AREL1: variants seen among roughly 807,000 people sequenced by gnomAD.
The protein encoded by AREL1 is apoptosis resistant E3 ubiquitin protein ligase 1, also known as apoptosis-resistant E3 ubiquitin protein ligase 1.
AREL1 carries 62 observed loss-of-function variants against 99.0 expected under a neutral mutation model. The ratio of observed to expected loss-of-function variants is 0.63; its 90% CI spans 0.51 to 0.77. AREL1 has a LOEUF of 0.77. AREL1 is among the 30% of genes least tolerant of loss of function. The pLI, the probability that AREL1 is intolerant of heterozygous loss-of-function variation, is 0.00. For missense variants in AREL1, 879 were observed against 1,027.6 expected, an observed-to-expected ratio of 0.86 and a Z score of 1.98; for synonymous variants, 380 against 376.5, an observed-to-expected ratio of 1.01 and a Z score of -0.11.
chr14:74,692,585 C>A (rs2089904736), intron 1 of AREL1, among the ~76,000 whole-genome samples: 1 of 152,206 alleles, frequency 6.6e-6, no homozygotes, highest in African/African-American at 2.4e-5. Context: ...TGAGAAGTGC[C>A]AGAGCTTCCT....
At chr14:74,685,694 C>A in intron 2 of AREL1, 34 bp from the exon 3 acceptor site, 1 of 1,578,628 alleles carries the variant, frequency 6.3e-7, no homozygotes, top group East Asian at 2.3e-5. Flanking sequence ...TTTTTGTCTC[C>A]AACTCTGCCT....
At chr14:74,664,174 A>AC in intron 18 of AREL1, 100 bp from the exon 19 acceptor site, 5 of 1,361,782 alleles carry the variant, frequency 3.7e-6, no homozygotes, top group South Asian at 1.4e-5. Context: ...GCTGTGCCCC[A>AC]GTTACCGTTC....
chr14:74,684,729 G>C, intron 3 of AREL1, 49 bp from the exon 4 acceptor site: 1 of 1,543,432 alleles, frequency 6.5e-7, no homozygotes, highest in South Asian at 1.1e-5. Flanking sequence ...ACACATTACA[G>C]CTTTTCATTA....
At chr14:74,709,065 A>G (rs891018253) in intron 1 of AREL1, among the ~76,000 whole-genome samples, 5 of 152,268 alleles carry the variant, frequency 3.3e-5, no homozygotes, top group Non-Finnish European at 7.3e-5. Flanking sequence ...CTAAGCATTC[A>G]GAACCCTTCA....
At chr14:74,683,062 A>G (rs1260235346) in intron 5 of AREL1, among the ~76,000 whole-genome samples, 2 of 152,158 alleles carry the variant, frequency 1.3e-5, no homozygotes, top group Non-Finnish European at 2.9e-5. Context: ...GATTTGGGGG[A>G]AAAGTGACTA....
At position 74,683,322 on chromosome 14, in the gene AREL1, C is replaced by T; in HGVS notation, c.455G>A (p.Ser152Asn). ...AGGTTGAAAAATTTTGTAGTAGGGA[C>T]TATATGCCACATTTAATCCACCAAG... is the stretch of plus-strand genomic sequence containing the variant. ...VKLGGLNVAY[S>N]PYYKIFQPGM... Residue 152 changes from serine (S) to asparagine (N), a missense_variant, in exon 5 of 20, where the codon AGT (serine) becomes AAT (asparagine). Coordinates refer to ENST00000356357, the MANE Select transcript of AREL1 (RefSeq NM_001039479.2). 1 of 1,613,994 alleles carries T rather than the reference C, an allele frequency of 6.2e-7. No homozygotes were observed. The highest frequency in any genetic ancestry group is 8.5e-7 in the Non-Finnish European group (1 of 1,179,926).
intron 18 of AREL1, 28 bp downstream of exon 18, chr14:74,664,808 C>T (rs765883001): frequency 4.4e-6 from 7 of 1,600,014 alleles, no homozygotes; most frequent in Non-Finnish European, 5.1e-6. Context: ...TGGCACAAAT[C>T]CAACTGAAAG....
chr14:74,683,986 A>G (rs1017424121), intron 4 of AREL1, among the ~76,000 whole-genome samples: 12 of 152,204 alleles, frequency 7.9e-5, no homozygotes, highest in Non-Finnish European at 2.9e-5. Context: ...GCTACAGTGG[A>G]GAAGTCAATG....
At chr14:74,682,455 C>A (rs2089651243) in intron 5 of AREL1, among the ~76,000 whole-genome samples, 1 of 151,876 alleles carries the variant, frequency 6.6e-6, no homozygotes, top group Non-Finnish European at 1.5e-5. Context: ...CTTACAGTAC[C>A]CAAAAGTAGA....
At position 74,671,475 on chromosome 14, in the gene AREL1, T is replaced by C; in HGVS notation, c.1431A>G (p.Lys477=). The C allele has an allele frequency of 1.3e-6, 2 of 1,595,078 alleles. No individual in the cohort carries two copies. The highest frequency in any genetic ancestry group is 1.1e-5 in the South Asian group (1 of 88,102). The change falls in exon 12 of 20, where the codon AAA becomes AAG. Residue 477 remains lysine, a synonymous_variant. Coordinates refer to ENST00000356357, the MANE Select transcript of AREL1 (RefSeq NM_001039479.2). Reference sequence around the variant, plus strand: ...CTGAGATGGAGAAATTCCGAGTGGCTTTCAGAGACTGAAAAGAAGTGAAAG... The same window carrying C: ...CTGAGATGGAGAAATTCCGAGTGGCCTTCAGAGACTGAAAAGAAGTGAAAG... ...SRHALLESSL[K]ATRNFSISDW... is the part of the protein sequence containing the mutation.
chr14:74,695,880 C>G (rs1374468209), intron 1 of AREL1, among the ~76,000 whole-genome samples: 1 of 152,146 alleles, frequency 6.6e-6, no homozygotes, highest in African/African-American at 2.4e-5. Context: ...GGTTTAGACT[C>G]TAGAGCAATC....
chr14:74,711,148 T>C (rs1228376991), intron 1 of AREL1, among the ~76,000 whole-genome samples: 1 of 151,692 alleles, frequency 6.6e-6, no homozygotes, highest in Non-Finnish European at 1.5e-5. Context: ...GGAGAATCGC[T>C]TAAACCTGGG....
intron 5 of AREL1, among the ~76,000 whole-genome samples, chr14:74,682,471 T>C (rs2089651698): frequency 6.6e-6 from 1 of 152,140 alleles, no homozygotes; most frequent in South Asian, 2.1e-4. Flanking sequence ...GTAGAAACAA[T>C]TCGACCACCA....
chr14:74,699,640 G>C (rs2090046570), intron 1 of AREL1, among the ~76,000 whole-genome samples: 1 of 152,038 alleles, frequency 6.6e-6, no homozygotes, highest in Non-Finnish European at 1.5e-5. Flanking sequence ...ATAGTTTGGT[G>C]ATATTTTTGT....
chr14:74,687,144 T>C (rs1001882302), intron 2 of AREL1, among the ~76,000 whole-genome samples: 8 of 152,214 alleles, frequency 5.3e-5, no homozygotes, highest in African/African-American at 1.9e-4. Flanking sequence ...ACCCTAGATG[T>C]GAAATTTCTG....
chr14:74,707,055 C>T (rs1385123582), intron 1 of AREL1, among the ~76,000 whole-genome samples: 1 of 152,176 alleles, frequency 6.6e-6, no homozygotes, highest in Non-Finnish European at 1.5e-5. Context: ...ACTGGAAATA[C>T]CAACTTATTT....
intron 11 of AREL1, chr14:74,672,005 C>A (rs2139875067): frequency 2.2e-6 from 1 of 455,628 alleles, no homozygotes; most frequent in South Asian, 1.6e-5. Flanking sequence ...TGGACAGGAA[C>A]CAAGCCTTCT....
intron 2 of AREL1, among the ~76,000 whole-genome samples, chr14:74,686,981 T>C (rs1282511995): frequency 1.3e-5 from 2 of 152,210 alleles, no homozygotes; most frequent in Non-Finnish European, 2.9e-5. Flanking sequence ...CTGAATTAGC[T>C]GGGGACCCAA....
chr14:74,706,963 C>T (rs1594772209), intron 1 of AREL1, among the ~76,000 whole-genome samples: 1 of 152,166 alleles, frequency 6.6e-6, no homozygotes, highest in Non-Finnish European at 1.5e-5. Context: ...TGAAGTATTA[C>T]TTATTCTCAG....
Sources: gnomAD v4.1 joint callset for allele counts (sites outside exome capture counted in the v4.1 genomes callset) on GRCh38, gnomAD v4.1.1 for gene constraint, MANE v1.5 for transcripts, NCBI Gene and HGNC (gene_info 2026-07-23, HGNC 2026-07-21) for gene names.